Variants in CACNB2 observed in about 807,000 individuals in gnomAD.
CACNB2 encodes calcium voltage-gated channel auxiliary subunit beta 2.
In CACNB2, 42 loss-of-function variants were observed where a neutral mutation model predicts 73.3. The observed-to-expected ratio is 0.57, with a 90% CI of 0.45 to 0.74. The LOEUF (loss-of-function observed/expected upper bound fraction) is 0.74, where lower values mean the gene tolerates loss of function less well. Among genes scored for constraint, CACNB2 ranks in the 30% least tolerant of loss-of-function variants. CACNB2 has a pLI of 0.00. For missense variants in CACNB2, 940 were observed against 853.0 expected (o/e 1.10, Z -1.27); for synonymous variants, 348 against 310.3 (o/e 1.12, Z -1.28).
intron 3 of CACNB2, among the ~76,000 whole-genome samples, chr10:18,412,593 A>G (rs2044696570): frequency 6.6e-6 from 1 of 152,132 alleles, no homozygotes. Context: ...TCCCCTTGAC[A>G]TCTCTGCAAA....
At chr10:18,248,600 G>T (rs1290629966) in intron 2 of CACNB2, among the ~76,000 whole-genome samples, 3 of 152,106 alleles carry the variant, frequency 2.0e-5, no homozygotes, top group Non-Finnish European at 4.4e-5. Context: ...TTCAATATTA[G>T]GAGAAGTGAG....
intron 2 of CACNB2, among the ~76,000 whole-genome samples, chr10:18,311,607 T>C (rs879370654): frequency 1.1e-3 from 173 of 152,336 alleles, no homozygotes; most frequent in African/African-American, 4.0e-3. Context: ...TTAAAAAAAT[T>C]ATAAGTAAAA....
At chr10:18,184,655 T>G (rs1424687363) in intron 2 of CACNB2, among the ~76,000 whole-genome samples, 1 of 14,266 alleles carries the variant, frequency 7.0e-5, no homozygotes, top group Non-Finnish European at 1.8e-4. Context: ...CTTTGTTTTT[T>G]TTTTTTTTTT....
At position 18,140,706 on chromosome 10, in the gene CACNB2, G is replaced by A. The variant is rs370198927; in HGVS notation, c.-31G>A. 773 of 1,574,130 alleles carry A rather than the reference G, an allele frequency of 4.9e-4. 1 individual carries two copies. Among genetic ancestry groups the A allele is most frequent in the Non-Finnish European group, 6.6e-4 (760 of 1,158,594 alleles). ...AGGAGGGGACCCGCCGCCGGGGGCTGGCTGCTTCGCTCCGAGCCGACTTTT... is the reference window on the plus strand; with the variant it reads ...AGGAGGGGACCCGCCGCCGGGGGCTAGCTGCTTCGCTCCGAGCCGACTTTT... On this transcript the variant is annotated 5_prime_UTR_variant, in exon 1 of 14. Coordinates refer to ENST00000324631, the MANE Select transcript of CACNB2 (RefSeq NM_201596.3).
rs869311555 is a variant in CACNB2 at position 18,307,983 on chromosome 10, C to CTTTTTTTTTTTTTTTTTTTTTTTTTT, written c.214-93939_214-93914dup. Among the ~76,000 whole-genome samples the CTTTTTTTTTTTTTTTTTTTTTTTTTT allele has an allele frequency of 7.1e-4, 50 of 70,240 alleles. 11 individuals carry two copies. Among genetic ancestry groups the CTTTTTTTTTTTTTTTTTTTTTTTTTT allele is most frequent in the Middle Eastern group, 0.01 (1 of 96 alleles). 46.1% of individuals were successfully genotyped at this position (70,240 alleles called of 152,430 possible). A position where few individuals can be genotyped will look rare whatever the true frequency, so the allele number is the denominator to read the frequency against. On this transcript the variant is annotated intron_variant, in intron 2 of 13. Transcript: ENST00000324631. ...TTAAGTCTAAAATAATATATGCCAA[C>CTTTTTTTTTTTTTTTTTTTTTTTTTT]TTTTTTTTTTTTTTTTTTTTTTTTT...
intron 3 of CACNB2, among the ~76,000 whole-genome samples, chr10:18,428,457 C>T (rs1193333600): frequency 2.6e-5 from 4 of 152,214 alleles, no homozygotes; most frequent in East Asian, 1.9e-4. Flanking sequence ...GAGGCCAAGG[C>T]GGGCAGATCA....
chr10:18,303,499 C>T (rs1342507534), intron 2 of CACNB2, among the ~76,000 whole-genome samples: 2 of 152,056 alleles, frequency 1.3e-5, no homozygotes, highest in Middle Eastern at 3.4e-3. Context: ...AGCAAGGCCC[C>T]ATCTCAAACC....
intron 9 of CACNB2, among the ~76,000 whole-genome samples, chr10:18,522,676 G>A (rs1431356646): frequency 6.6e-6 from 1 of 151,902 alleles, no homozygotes; most frequent in East Asian, 1.9e-4. Flanking sequence ...TCAAGTGTTC[G>A]AGACCGGCTT....
At chr10:18,359,554 A>G (rs941014856) in intron 2 of CACNB2, among the ~76,000 whole-genome samples, 1 of 151,854 alleles carries the variant, frequency 6.6e-6, no homozygotes. Flanking sequence ...GATTACCAGC[A>G]TGAACCACCA....
chr10:18,221,042 A>G (rs1391984127), intron 2 of CACNB2, among the ~76,000 whole-genome samples: 1 of 152,166 alleles, frequency 6.6e-6, no homozygotes, highest in Non-Finnish European at 1.5e-5. Flanking sequence ...GGGGCTGGGC[A>G]GTTCTGCCTG....
At chr10:18,457,448 C>G (rs889974466) in intron 3 of CACNB2, among the ~76,000 whole-genome samples, 1 of 152,152 alleles carries the variant, frequency 6.6e-6, no homozygotes, top group Non-Finnish European at 1.5e-5. Flanking sequence ...AATGCTATCA[C>G]CTTAGACTGT....
intron 2 of CACNB2, among the ~76,000 whole-genome samples, chr10:18,356,307 A>T (rs1564463596): frequency 6.6e-6 from 1 of 152,174 alleles, no homozygotes; most frequent in Non-Finnish European, 1.5e-5. Context: ...CAGGAAGCCC[A>T]CTGTCTATAC....
intron 1 of CACNB2, among the ~76,000 whole-genome samples, chr10:18,150,445 C>T (rs1473512408): frequency 1.2e-4 from 18 of 152,210 alleles, no homozygotes; most frequent in African/African-American, 4.1e-4. Flanking sequence ...GGGCGGATCA[C>T]CTGAGGTTGG....
intron 2 of CACNB2, among the ~76,000 whole-genome samples, chr10:18,381,247 G>A (rs547876535): frequency 1.2e-3 from 177 of 150,998 alleles, no homozygotes; most frequent in Middle Eastern, 3.4e-3. Flanking sequence ...GGTGGCTCAC[G>A]CCTATAATCC....
chr10:18,422,741 T>C (rs1487133792), intron 3 of CACNB2, among the ~76,000 whole-genome samples: 1 of 152,210 alleles, frequency 6.6e-6, no homozygotes, highest in Non-Finnish European at 1.5e-5. Flanking sequence ...TCACCCAGGC[T>C]GTAGTATGAG....
At chr10:18,456,782 G>A (rs1274713500) in intron 3 of CACNB2, among the ~76,000 whole-genome samples, 1 of 152,180 alleles carries the variant, frequency 6.6e-6, no homozygotes, top group Non-Finnish European at 1.5e-5. Flanking sequence ...TTAGGATAAT[G>A]TCCTCAGAGT....
intron 3 of CACNB2, among the ~76,000 whole-genome samples, chr10:18,486,983 G>T (rs1047822914): frequency 6.6e-6 from 1 of 152,130 alleles, no homozygotes; most frequent in Non-Finnish European, 1.5e-5. Flanking sequence ...AAGAGAGAAG[G>T]GCTCCCAAGT....
At chr10:18,208,833 G>A (rs2035204541) in intron 2 of CACNB2, among the ~76,000 whole-genome samples, 1 of 151,958 alleles carries the variant, frequency 6.6e-6, no homozygotes, top group Admixed American at 6.6e-5. Flanking sequence ...CGTTTAGAGA[G>A]AGAAAGCCCC....
At chr10:18,342,648 C>G (rs2041279040) in intron 2 of CACNB2, among the ~76,000 whole-genome samples, 2 of 152,090 alleles carry the variant, frequency 1.3e-5, no homozygotes, top group South Asian at 4.1e-4. Flanking sequence ...TTGAATAGGG[C>G]TTATAAACAC....
Sources: allele counts gnomAD v4.1 joint callset (sites outside exome capture counted in the v4.1 genomes callset), GRCh38; gene constraint gnomAD v4.1.1; transcripts MANE v1.5; gene names NCBI Gene and HGNC (gene_info 2026-07-23, HGNC 2026-07-21).